The following SPECC1L variants were observed in gnomAD, a reference collection of about 807,000 sequenced individuals.
The protein encoded by SPECC1L is sperm antigen with calponin homology and coiled-coil domains 1 like.
SPECC1L carries 40 observed loss-of-function variants against 116.8 expected under a neutral mutation model. The ratio of observed to expected loss-of-function variants is 0.34; its 90% CI spans 0.27 to 0.45. The LOEUF is 0.45. Ranked by LOEUF, SPECC1L falls within the 20% of genes least tolerant of loss-of-function variation. The pLI is 1.00. For missense variants in SPECC1L, 1,110 were observed against 1,373.6 expected (o/e 0.81, Z 3.03); for synonymous variants, 504 against 500.6 (o/e 1.01, Z -0.09).
chr22:24,283,364 C>A (rs974596453), intron 2 of SPECC1L, among the ~76,000 whole-genome samples: 53 of 152,254 alleles, frequency 3.5e-4, no homozygotes, highest in African/African-American at 1.3e-3. Context: ...AGGCGTGAGC[C>A]ACCGCGCCCA....
chr22:24,382,723 A>AG (rs1198467516), intron 14 of SPECC1L, among the ~76,000 whole-genome samples: 1 of 149,736 alleles, frequency 6.7e-6, no homozygotes, highest in Admixed American at 6.7e-5. Flanking sequence ...AAAAAAAAAA[A>AG]AAAGAGTAAT....
chr22:24,275,672 A>G (rs1313730180), intron 1 of SPECC1L, among the ~76,000 whole-genome samples: 1 of 152,140 alleles, frequency 6.6e-6, no homozygotes, highest in Non-Finnish European at 1.5e-5. Context: ...TAAAGAGGAA[A>G]AATACATTGC....
At chr22:24,327,483 G>T (rs1417869428) in intron 6 of SPECC1L, among the ~76,000 whole-genome samples, 1 of 151,982 alleles carries the variant, frequency 6.6e-6, no homozygotes, top group Non-Finnish European at 1.5e-5. Context: ...GCTAGAGGAA[G>T]AATTTTTTGA....
intron 10 of SPECC1L, among the ~76,000 whole-genome samples, chr22:24,342,528 C>T (rs1022232587): frequency 3.2e-4 from 49 of 151,928 alleles, no homozygotes; most frequent in Non-Finnish European, 5.1e-4. Context: ...AAAAAATTAG[C>T]CAGGCACGGT....
rs187886027 is a variant in SPECC1L at position 24,319,392 on chromosome 22, G to A, written c.308-1896G>A. On this transcript the variant is annotated intron_variant, in intron 4 of 16. Transcript: ENST00000314328. ...GAGAACTCACTATCACGAGAACAGC[G>A]TGAGGGTAACTGCTTCCATGATTAA... Among the ~76,000 whole-genome samples the A allele has an allele frequency of 1.8e-4, 27 of 152,314 alleles. No individual in the cohort carries two copies. The East Asian group carries it at 3.7e-3, about 21-fold the overall frequency.
chr22:24,277,381 A>T (rs1057354646), intron 2 of SPECC1L, among the ~76,000 whole-genome samples: 1 of 152,266 alleles, frequency 6.6e-6, no homozygotes, highest in Non-Finnish European at 1.5e-5. Context: ...TTATGGAGAT[A>T]TAATTCACAT....
intron 5 of SPECC1L, among the ~76,000 whole-genome samples, chr22:24,323,857 G>A (rs986336021): frequency 6.6e-6 from 1 of 152,122 alleles, no homozygotes; most frequent in African/African-American, 2.4e-5. Context: ...TACTGGAACC[G>A]TCACAAATAT....
In SPECC1L at chr22:24,413,350, C is replaced by T. The variant is rs147648087; in HGVS notation, c.3264+643C>T. On this transcript the variant is annotated intron_variant, in intron 16 of 16. Transcript: ENST00000314328. The stretch of plus-strand genomic sequence containing the variant: ...AAGCCAAAACTTCTACACCCAGAGA[C>T]GCTTTTATTAAGTGAACTGAGTGCC... 2.8e-3 allele frequency among the ~76,000 whole-genome samples: 419 copies of T among 152,322 alleles called. 2 individuals are homozygous for T. Among genetic ancestry groups the T allele is most frequent in the African/African-American group, 9.2e-3 (381 of 41,564 alleles).
rs750634149 is a variant in SPECC1L, at chr22:24,334,562, G to A, written c.2549G>A (p.Ser850Asn). The A allele has an allele frequency of 1.9e-6, 3 of 1,614,148 alleles. No individual in the cohort carries two copies. Among genetic ancestry groups the A allele is most frequent in the Admixed American group, 3.3e-5 (2 of 60,020 alleles). Residue 850 changes from serine (S) to asparagine (N), a missense_variant, in exon 9 of 17, where the codon AGT becomes AAT. Physicochemically the swap from Ser to Asn is conservative, Grantham distance 46 (BLOSUM62 1). Coordinates refer to ENST00000314328, the MANE Select transcript of SPECC1L (RefSeq NM_015330.6). ...TVKTLIKSFD[S>N]ASQVPNPAAA... is the part of the protein sequence containing the mutation. ...AAAACCCTCATCAAGTCCTTTGACA[G>A]TGCATCTCAAGGTAATTAATTTCTC...
intron 3 of SPECC1L, 68 bp downstream of exon 3, chr22:24,302,452 T>A: frequency 6.3e-7 from 1 of 1,585,242 alleles, no homozygotes. Context: ...ATGTTTAATA[T>A]ATTAAATGAG....
intron 15 of SPECC1L, 184 bp from the exon 16 acceptor site, chr22:24,412,464 G>A (rs2042717654): frequency 6.0e-6 from 4 of 668,194 alleles, no homozygotes; most frequent in Non-Finnish European, 1.1e-5. Context: ...GGGGAGGGTG[G>A]CCGGGCCTAG....
chr22:24,272,507 T>TA (rs2048748852), intron 1 of SPECC1L, among the ~76,000 whole-genome samples: 1 of 152,070 alleles, frequency 6.6e-6, no homozygotes, highest in South Asian at 2.1e-4. Flanking sequence ...ACCCCGTCTC[T>TA]ACAAAAAATA....
At chr22:24,286,957 T>C (rs1039692203) in intron 2 of SPECC1L, among the ~76,000 whole-genome samples, 1 of 152,134 alleles carries the variant, frequency 6.6e-6, no homozygotes, top group African/African-American at 2.4e-5. Flanking sequence ...AGATAAATAG[T>C]GATGACTTTT....
intron 13 of SPECC1L, among the ~76,000 whole-genome samples, chr22:24,366,109 C>A (rs760066090): frequency 6.6e-6 from 1 of 151,672 alleles, no homozygotes; most frequent in Non-Finnish European, 1.5e-5. Context: ...TAGACTGATA[C>A]AGAAGGCCAG....
intron 10 of SPECC1L, chr22:24,343,384 C>T: frequency 5.0e-6 from 2 of 403,810 alleles, no homozygotes; most frequent in Non-Finnish European, 4.9e-6. Flanking sequence ...TAAGGACAGG[C>T]AGGTGAGAAT....
intron 14 of SPECC1L, among the ~76,000 whole-genome samples, chr22:24,402,524 C>T (rs2042499669): frequency 6.6e-6 from 1 of 152,208 alleles, no homozygotes; most frequent in African/African-American, 2.4e-5. Context: ...CTCACTCTTA[C>T]CTCATGAGGC....
Position 24,276,728 on chromosome 22 carries a change from A to AT in SPECC1L, c.-109dup. The AT allele has an allele frequency of 4.4e-6, 2 of 452,882 alleles. No individual in the cohort carries two copies. Among genetic ancestry groups the AT allele is most frequent in the South Asian group, 3.1e-5 (2 of 64,290 alleles). 28.1% of individuals were successfully genotyped at this position (452,882 alleles called of 1,614,324 possible). A position where few individuals can be genotyped will look rare whatever the true frequency, so the allele number is the denominator to read the frequency against. On this transcript the variant is annotated 5_prime_UTR_variant, in exon 2 of 17. An upstream open reading frame in the 5' UTR loses its in-frame stop. Transcript: ENST00000314328. ...TCTTGGGGAAGATCCCGACTAAGCCATTTTCCAGTGGCACCTCTTCCATCA... is the reference window on the plus strand; with the variant it reads ...TCTTGGGGAAGATCCCGACTAAGCCATTTTTCCAGTGGCACCTCTTCCATCA...
intron 14 of SPECC1L, 87 bp from the exon 15 acceptor site, chr22:24,411,501 G>T: frequency 8.3e-7 from 1 of 1,201,432 alleles, no homozygotes; most frequent in Non-Finnish European, 1.2e-6. Context: ...AGGCCATGCA[G>T]CATCTGAGGC....
chr22:24,364,069 G>T (rs138862741), intron 12 of SPECC1L, among the ~76,000 whole-genome samples: 6 of 152,154 alleles, frequency 3.9e-5, no homozygotes, highest in African/African-American at 1.4e-4. Flanking sequence ...AGGTGAGAAA[G>T]AATCTGAGGT....
Sources: allele counts gnomAD v4.1 joint callset (sites outside exome capture counted in the v4.1 genomes callset), GRCh38; gene constraint gnomAD v4.1.1; transcripts MANE v1.5; gene names NCBI Gene and HGNC (gene_info 2026-07-23, HGNC 2026-07-21).